Variants in SRGAP3 observed in about 807,000 individuals in gnomAD.
SRGAP3 encodes SLIT-ROBO Rho GTPase activating protein 3.
A neutral mutation model predicts 121.1 loss-of-function variants in SRGAP3; 39 were observed. The ratio of observed to expected loss-of-function variants is 0.32; its 90% CI spans 0.25 to 0.42. The LOEUF (loss-of-function observed/expected upper bound fraction) is 0.42, where lower values mean the gene tolerates loss of function less well. Ranked by LOEUF, SRGAP3 falls within the 10% of genes least tolerant of loss-of-function variation. SRGAP3 has a pLI of 1.00. For missense variants in SRGAP3, 1,213 were observed against 1,470.6 expected, an observed-to-expected ratio of 0.82 and a Z score of 2.86; for synonymous variants, 601 against 570.0, an observed-to-expected ratio of 1.05 and a Z score of -0.77.
At chr3:9,345,249 G>T (rs1261258604) in intron 1 of SRGAP3, among the ~76,000 whole-genome samples, 1 of 152,138 alleles carries the variant, frequency 6.6e-6, no homozygotes, top group Non-Finnish European at 1.5e-5. Context: ...TCAGCAATTC[G>T]GGAGGCCCAG....
At chr3:9,284,832 CAA>C (rs368751790) in intron 3 of SRGAP3, among the ~76,000 whole-genome samples, 6,145 of 111,350 alleles carry the variant, frequency 0.055, 457 homozygotes, top group African/African-American at 0.2. Flanking sequence ...GAGTCTGCCT[CAA>C]AAAAAAAAAA....
At chr3:9,153,753 CAT>C (rs1168368482) in intron 1 of SRGAP3, among the ~76,000 whole-genome samples, 1 of 151,974 alleles carries the variant, frequency 6.6e-6, no homozygotes, top group African/African-American at 2.4e-5. Flanking sequence ...CTAATTATGA[CAT>C]ATTATTGTAT....
At chr3:9,005,200 G>T (rs914952671) in intron 18 of SRGAP3, among the ~76,000 whole-genome samples, 3 of 152,168 alleles carry the variant, frequency 2.0e-5, no homozygotes, top group African/African-American at 7.2e-5. Flanking sequence ...AGTCATCAGA[G>T]AAATTCAAAT....
At chr3:9,114,226 A>G (rs1378349463) in intron 2 of SRGAP3, among the ~76,000 whole-genome samples, 1 of 152,204 alleles carries the variant, frequency 6.6e-6, no homozygotes, top group Non-Finnish European at 1.5e-5. Flanking sequence ...AAACGAAGTG[A>G]CGACTACCTC....
At chr3:9,348,264 T>G (rs1217101514) in intron 1 of SRGAP3, among the ~76,000 whole-genome samples, 1 of 151,828 alleles carries the variant, frequency 6.6e-6, no homozygotes, top group Non-Finnish European at 1.5e-5. Flanking sequence ...CAGACCACAG[T>G]AAGGGTAGCA....
At chr3:9,214,510 A>G (rs1326883674) in intron 1 of SRGAP3, among the ~76,000 whole-genome samples, 1 of 152,236 alleles carries the variant, frequency 6.6e-6, no homozygotes, top group Non-Finnish European at 1.5e-5. Flanking sequence ...GTCACTGAAC[A>G]AAAACTTTTA....
upstream of SRGAP3, among the ~76,000 whole-genome samples, chr3:9,254,455 G>A (rs554097587): frequency 4.6e-5 from 7 of 152,302 alleles, 1 homozygote; most frequent in South Asian, 1.0e-3. Context: ...GCGAGGACAG[G>A]CAGTAGCTGC....
intron 3 of SRGAP3, among the ~76,000 whole-genome samples, chr3:9,262,411 T>C (rs1014792716): frequency 2.0e-5 from 3 of 151,484 alleles, no homozygotes; most frequent in Non-Finnish European, 4.4e-5. Context: ...AGACATAGAC[T>C]GGCAAATTGA....
At chr3:8,989,738 T>C (rs1378465213) in intron 21 of SRGAP3, among the ~76,000 whole-genome samples, 5 of 152,230 alleles carry the variant, frequency 3.3e-5, no homozygotes, top group Non-Finnish European at 4.4e-5. Flanking sequence ...TTCTATTCAT[T>C]TGGCAAATGT....
In SRGAP3 at chr3:9,298,854, C is replaced by A. The variant is rs140467715; in HGVS notation, n.442+27156G>T. Among the ~76,000 whole-genome samples the A allele has an allele frequency of 9.9e-3, 1,502 of 151,772 alleles. 90 individuals carry two copies. The highest frequency in any genetic ancestry group is 0.093 in the Admixed American group (1,420 of 15,250). On this transcript the variant is annotated intron_variant and non_coding_transcript_variant, in intron 3 of 3. Coordinates refer to the SRGAP3 transcript ENST00000490889. Reference sequence around the variant, plus strand: ...ATCACTTGAGGCCAGGAGTTTGAGACCAGCCTGGCCAACATGGTGAAACCC... The same window carrying A: ...ATCACTTGAGGCCAGGAGTTTGAGAACAGCCTGGCCAACATGGTGAAACCC...
chr3:9,205,855 C>T (rs1251076470), intron 1 of SRGAP3, among the ~76,000 whole-genome samples: 2 of 152,118 alleles, frequency 1.3e-5, no homozygotes, highest in Admixed American at 1.3e-4. Context: ...GGACATTATG[C>T]AAGTGAAATA....
intron 3 of SRGAP3, among the ~76,000 whole-genome samples, chr3:9,305,879 T>C (rs1955152693): frequency 6.6e-6 from 1 of 152,216 alleles, no homozygotes; most frequent in Non-Finnish European, 1.5e-5. Flanking sequence ...TACGTGTGCA[T>C]GTGTCTTTAT....
intron 7 of SRGAP3, among the ~76,000 whole-genome samples, chr3:9,057,681 C>T (rs1282686620): frequency 6.6e-6 from 1 of 152,212 alleles, no homozygotes. Context: ...GCTCAGGGAA[C>T]TATTTGCATA....
intron 15 of SRGAP3, among the ~76,000 whole-genome samples, chr3:9,015,192 C>T (rs113546867): frequency 6.7e-6 from 1 of 149,458 alleles, no homozygotes; most frequent in Non-Finnish European, 1.5e-5. Flanking sequence ...GGTCTTCCCC[C>T]TTTTGCTCCA....
At chr3:9,343,684 T>C (rs1955832081) in intron 1 of SRGAP3, among the ~76,000 whole-genome samples, 1 of 152,180 alleles carries the variant, frequency 6.6e-6, no homozygotes. Flanking sequence ...ACTTTTAAAT[T>C]TTTTGAGACA....
Position 9,256,909 on chromosome 3 carries a change from A to G in SRGAP3, n.442+69101T>C, listed in dbSNP as rs543720427. The stretch of plus-strand genomic sequence containing the variant: ...TTAAAGCTTACACTTTAAGAAACAG[A>G]ATAACAAGAATAGATTCTAGAGCTG... On this transcript the variant is annotated intron_variant and non_coding_transcript_variant, in intron 3 of 3. Transcript: ENST00000490889. The G allele has an allele frequency of 9.3e-5, 37 of 398,552 alleles. 1 individual carries two copies. The South Asian group carries it at 4.7e-3, about 51-fold the overall frequency. 24.7% of individuals were successfully genotyped at this position (398,552 alleles called of 1,614,324 possible).
At chr3:9,165,564 C>T (rs1033470196) in intron 1 of SRGAP3, among the ~76,000 whole-genome samples, 4 of 152,188 alleles carry the variant, frequency 2.6e-5, no homozygotes, top group Non-Finnish European at 5.9e-5. Context: ...GATCACGTCA[C>T]CCCTCCTGCT....
chr3:8,994,057 G>A (rs1942239802), intron 19 of SRGAP3: 1 of 470,334 alleles, frequency 2.1e-6, no homozygotes, highest in Non-Finnish European at 3.9e-6. Flanking sequence ...GATACTGAGA[G>A]CCCTGGTGGG....
chr3:9,079,970 G>T, intron 4 of SRGAP3, 55 bp downstream of exon 4: 2 of 1,599,334 alleles, frequency 1.3e-6, no homozygotes, highest in Non-Finnish European at 1.7e-6. Flanking sequence ...TCCAGCTCTG[G>T]TGATGAAGAC....
Sources: gnomAD v4.1 joint callset for allele counts (sites outside exome capture counted in the v4.1 genomes callset) on GRCh38, gnomAD v4.1.1 for gene constraint, MANE v1.5 for transcripts, NCBI Gene and HGNC (gene_info 2026-07-23, HGNC 2026-07-21) for gene names.